The following ZNF79 variants were observed in gnomAD, a reference collection of about 807,000 sequenced individuals.
ZNF79 encodes ZNFpT7.
A neutral mutation model predicts 14.9 loss-of-function variants in ZNF79; 13 were observed. The ratio of observed to expected loss-of-function variants is 0.87; its 90% CI spans 0.57 to 1.38. The LOEUF is 1.38. Among genes scored for constraint, ZNF79 ranks in the 40% most tolerant of loss-of-function variants. The pLI is 0.00. For missense variants in ZNF79, 631 were observed against 630.6 expected (o/e 1.00, Z -0.01); for synonymous variants, 223 against 235.1 (o/e 0.95, Z 0.47).
intron 4 of ZNF79, among the ~76,000 whole-genome samples, chr9:127,443,617 G>A (rs1468726804): frequency 1.3e-5 from 2 of 152,002 alleles, no homozygotes; most frequent in East Asian, 3.9e-4. Context: ...TATGAAAGGA[G>A]GTGGCTGGGC....
Position 127,445,025 on chromosome 9 carries a change from A to T in ZNF79, c.1325A>T (p.Glu442Val), listed in dbSNP as rs1003669941. Residue 442 changes from glutamate to valine, a missense_variant, in exon 5 of 5, where the codon GAA becomes GTA. Physicochemically the swap from Glu to Val is moderately radical, Grantham distance 121. Transcript: ENST00000342483. The part of the protein sequence containing the change: ...LIRHHIIHTG[E>V]KPYECNECGK... ...CGGCATCATATAATCCACACCGGAG[A>T]AAAACCTTATGAGTGTAATGAGTGT... The T allele has an allele frequency of 1.3e-5, 21 of 1,614,082 alleles. No individual in the cohort carries two copies. Among genetic ancestry groups the T allele is most frequent in the Non-Finnish European group, 1.8e-5 (21 of 1,180,052 alleles).
intron 2 of ZNF79, among the ~76,000 whole-genome samples, chr9:127,432,151 AT>A (rs34862357): frequency 0.015 from 1,961 of 133,940 alleles, 28 homozygotes; most frequent in African/African-American, 0.042. Flanking sequence ...TTATTTTTAA[AT>A]TTTTTTTTTT....
chr9:127,442,762 T>C (rs925183704), intron 4 of ZNF79, among the ~76,000 whole-genome samples: 4 of 152,054 alleles, frequency 2.6e-5, no homozygotes, highest in Admixed American at 2.0e-4. Context: ...GCTCAGAGGC[T>C]GAGGTGGGAG....
intron 4 of ZNF79, among the ~76,000 whole-genome samples, chr9:127,437,107 C>CTTTATT (rs750263897): frequency 9.5e-4 from 142 of 149,190 alleles, no homozygotes; most frequent in Non-Finnish European, 1.7e-3. Context: ...CTGTTTGTTG[C>CTTTATT]TTTATTTCTT....
At chr9:127,433,455 C>G (rs971387245) in intron 2 of ZNF79, among the ~76,000 whole-genome samples, 20 of 152,232 alleles carry the variant, frequency 1.3e-4, no homozygotes, top group African/African-American at 4.8e-4. Flanking sequence ...GGGGCCTGAC[C>G]AGGAAATGAT....
At chr9:127,434,395 C>A (rs10819293) in intron 2 of ZNF79, among the ~76,000 whole-genome samples, 16,309 of 152,218 alleles carry the variant, frequency 0.11, 1,411 homozygotes, top group Admixed American at 0.28. Context: ...ATTCATCTTT[C>A]ACATTTCTTT....
At position 127,444,366 on chromosome 9, in the gene ZNF79, G is replaced by C. The variant is rs1419653689; in HGVS notation, c.666G>C (p.Glu222Asp). The change falls in exon 5 of 5, where the codon GAG (glutamate) becomes GAC (aspartate). Residue 222 changes from glutamate to aspartate, a missense_variant. Transcript: ENST00000342483. ...GCCACACTGGAGAGAAGCCCTATGA[G>C]TGCAGTGAATGTGGGAAGGCCTTCA... Reference protein sequence around the residue: ...QKSHTGEKPYECSECGKAFSQ... With the variant: ...QKSHTGEKPYDCSECGKAFSQ... The C allele has an allele frequency of 6.2e-7, 1 of 1,612,478 alleles. No individual in the cohort carries two copies. Among genetic ancestry groups the C allele is most frequent in the Admixed American group, 1.7e-5 (1 of 59,930 alleles).
At position 127,445,152 on chromosome 9, in the gene ZNF79, C is replaced by G; in HGVS notation, c.1452C>G (p.Cys484Trp). The change falls in exon 5 of 5, where the codon TGC (cysteine) becomes TGG (tryptophan). Residue 484 changes from cysteine to tryptophan, a missense_variant. Coordinates refer to ENST00000342483, the MANE Select transcript of ZNF79 (RefSeq NM_007135.3). ...ECSECGKAFR[C>W]SSAFVRHQRL... Reference sequence around the variant, plus strand: ...GCGAGTGTGGGAAGGCCTTCCGGTGCAGCTCTGCCTTCGTTAGACATCAGA... The same window carrying G: ...GCGAGTGTGGGAAGGCCTTCCGGTGGAGCTCTGCCTTCGTTAGACATCAGA... The G allele has an allele frequency of 6.2e-7, 1 of 1,614,230 alleles. No individual in the cohort carries two copies. The highest frequency in any genetic ancestry group is 8.5e-7 in the Non-Finnish European group (1 of 1,180,044).
chr9:127,441,937 T>TC (rs1834055696), intron 4 of ZNF79, among the ~76,000 whole-genome samples: 1 of 130,848 alleles, frequency 7.6e-6, no homozygotes, highest in African/African-American at 3.0e-5. Context: ...AGAGTGAGAC[T>TC]CCGTCTCAAA....
At chr9:127,427,490 A>G (rs906381324) in intron 1 of ZNF79, among the ~76,000 whole-genome samples, 1 of 150,882 alleles carries the variant, frequency 6.6e-6, no homozygotes, top group African/African-American at 2.4e-5. Flanking sequence ...TCGGCCTCCC[A>G]AAGTGCTGGG....
intron 2 of ZNF79, among the ~76,000 whole-genome samples, chr9:127,433,110 C>T (rs1176054432): frequency 6.6e-6 from 1 of 151,678 alleles, no homozygotes; most frequent in African/African-American, 2.4e-5. Flanking sequence ...AAAAGATGAC[C>T]CTCTTTGTTC....
chr9:127,441,520 T>C (rs900940929), intron 4 of ZNF79, among the ~76,000 whole-genome samples: 1 of 152,160 alleles, frequency 6.6e-6, no homozygotes, highest in African/African-American at 2.4e-5. Flanking sequence ...GTATAGAAAT[T>C]CAAGGAAACA....
At position 127,438,250 on chromosome 9, in the gene ZNF79, G is replaced by GC. The variant is rs761837095; in HGVS notation, c.328+2248dup. 1.6e-4 allele frequency among the ~76,000 whole-genome samples: 25 copies of GC among 152,152 alleles called. 1 individual carries two copies. Among genetic ancestry groups the GC allele is most frequent in the Non-Finnish European group, 2.6e-4 (18 of 68,030 alleles). On this transcript the variant is annotated intron_variant, in intron 4 of 4. Coordinates refer to ENST00000342483, the MANE Select transcript of ZNF79 (RefSeq NM_007135.3). Reference sequence around the variant, plus strand: ...CACCCCCTGCCCCTTCCCACCAGTCGCAAGTCCAGGCCTCCAGAACTACAC... The same window carrying GC: ...CACCCCCTGCCCCTTCCCACCAGTCGCCAAGTCCAGGCCTCCAGAACTACAC...
intron 2 of ZNF79, among the ~76,000 whole-genome samples, chr9:127,431,706 A>G (rs935855378): frequency 9.2e-5 from 14 of 152,186 alleles, no homozygotes; most frequent in African/African-American, 3.4e-4. Context: ...TGGTTTTTAT[A>G]GTTTAAGGAT....
chr9:127,426,523 C>T (rs1168059374), intron 1 of ZNF79, among the ~76,000 whole-genome samples: 3 of 152,114 alleles, frequency 2.0e-5, no homozygotes, highest in Non-Finnish European at 2.9e-5. Flanking sequence ...TACAGGCACC[C>T]GCCACCACAC....
At chr9:127,431,319 C>G (rs1333323385) in intron 2 of ZNF79, among the ~76,000 whole-genome samples, 1 of 151,160 alleles carries the variant, frequency 6.6e-6, no homozygotes, top group East Asian at 1.9e-4. Context: ...TGCAGTGGCA[C>G]AATCTCAGCT....
chr9:127,439,263 C>A (rs187906248), intron 4 of ZNF79, among the ~76,000 whole-genome samples: 1 of 152,184 alleles, frequency 6.6e-6, no homozygotes, highest in Admixed American at 6.6e-5. Context: ...ATGAAAGACA[C>A]ATAATCCCTG....
chr9:127,425,520 C>G (rs967129717), intron 1 of ZNF79, among the ~76,000 whole-genome samples: 1 of 152,210 alleles, frequency 6.6e-6, no homozygotes, highest in Non-Finnish European at 1.5e-5. Flanking sequence ...TTTTACTCTA[C>G]AAGTGCAATT....
In ZNF79 at chr9:127,444,706, A is replaced by C. The variant is rs1834126537; in HGVS notation, c.1006A>C (p.Ser336Arg). 2 of 1,613,764 alleles carry C rather than the reference A, an allele frequency of 1.2e-6. No individual in the cohort carries two copies. The highest frequency in any genetic ancestry group is 1.3e-5 in the African/African-American group (1 of 74,874). ...CACCGGGGAGAAGCCCTACAAGTGC[A>C]GCGAGTGTGGGAAGGCCTTCAGTTA... ...THTGEKPYKC[S>R]ECGKAFSYCA... Residue 336 changes from serine (S) to arginine (R), a missense_variant, in exon 5 of 5, where the codon AGC becomes CGC. Physicochemically the swap from Ser to Arg is moderately radical, Grantham distance 110. Coordinates refer to ENST00000342483, the MANE Select transcript of ZNF79 (RefSeq NM_007135.3).
Sources: gnomAD v4.1 joint callset for allele counts (sites outside exome capture counted in the v4.1 genomes callset) on GRCh38, gnomAD v4.1.1 for gene constraint, MANE v1.5 for transcripts, NCBI Gene and HGNC (gene_info 2026-07-23, HGNC 2026-07-21) for gene names.